Variants in MAN2A1 observed in about 807,000 individuals in gnomAD.
The protein encoded by MAN2A1 is mannosidase alpha class 2A member 1, also known as alpha-mannosidase 2.
MAN2A1 carries 76 observed loss-of-function variants against 142.6 expected under a neutral mutation model. That is an observed-to-expected ratio of 0.53 (90% CI 0.44 to 0.65). MAN2A1 has a LOEUF of 0.65. Among genes scored for constraint, MAN2A1 ranks in the 30% least tolerant of loss-of-function variants. MAN2A1 has a pLI of 0.00. For synonymous variants in MAN2A1, 559 were observed against 473.2 expected (o/e 1.18, Z -2.35); for missense variants, 1,311 against 1,365.1 (o/e 0.96, Z 0.62).
chr5:109,709,882 T>C (rs889716686), intron 1 of MAN2A1, among the ~76,000 whole-genome samples: 1 of 152,214 alleles, frequency 6.6e-6, no homozygotes, highest in Non-Finnish European at 1.5e-5. Context: ...TCTTTTTCAA[T>C]GTTACTATAA....
At chr5:109,842,606 G>C in intron 17 of MAN2A1, 145 bp downstream of exon 17, 1 of 501,724 alleles carries the variant, frequency 2.0e-6, no homozygotes, top group African/African-American at 2.0e-5. Context: ...AATTTTGACA[G>C]AAAATTTCGG....
At chr5:109,761,702 C>T (rs941217106) in intron 5 of MAN2A1, among the ~76,000 whole-genome samples, 2 of 151,776 alleles carry the variant, frequency 1.3e-5, no homozygotes, top group African/African-American at 4.8e-5. Context: ...TTAGGTAGTA[C>T]TGAATTCTTC....
rs371130776 is a variant in MAN2A1 at position 109,774,793 on chromosome 5, G to A, written c.1202G>A (p.Arg401Gln). 20 of 1,597,236 alleles carry A rather than the reference G, an allele frequency of 1.3e-5. No homozygotes were observed. The highest frequency in any genetic ancestry group is 4.1e-5 in the African/African-American group (3 of 72,998). The stretch of plus-strand genomic sequence containing the variant: ...TGTGTTTGTTTTTTTTGTAGGGCTC[G>A]GATGCTACTAGATCAGTACCGAAAG... The part of the protein sequence containing the change: ...IHPGNVQSRA[R>Q]MLLDQYRKKS... The change falls in exon 8 of 22, where the codon CGG becomes CAG. Residue 401 changes from arginine to glutamine, a missense_variant. Coordinates refer to ENST00000261483, the MANE Select transcript of MAN2A1 (RefSeq NM_002372.4).
rs775301628 is a variant in MAN2A1, at chr5:109,774,889, C to G, written c.1298C>G (p.Thr433Arg). ...GATGATTTCCGCTACTGTGAATACA[C>G]GGAATGGGATTTACAGTTTAAGAAT... Reference protein sequence around the residue: ...LGDDFRYCEYTEWDLQFKNYQ... With the variant: ...LGDDFRYCEYREWDLQFKNYQ... The change falls in exon 8 of 22, where the codon ACG becomes AGG. Residue 433 changes from threonine (T) to arginine (R), a missense_variant. This residue lies in a region of MAN2A1 where 890 missense variants were observed against 920.5 expected (regional missense o/e 0.97). Coordinates refer to ENST00000261483, the MANE Select transcript of MAN2A1 (RefSeq NM_002372.4). The G allele has an allele frequency of 6.2e-7, 1 of 1,609,908 alleles. No homozygotes were observed. Among genetic ancestry groups the G allele is most frequent in the East Asian group, 2.2e-5 (1 of 44,756 alleles).
In MAN2A1 at chr5:109,822,137, T is replaced by G. The variant is rs28567942; in HGVS notation, c.2452-1586T>G. Among the ~76,000 whole-genome samples the G allele has an allele frequency of 3.6e-4, 55 of 151,094 alleles. 1 individual carries two copies. Among genetic ancestry groups the G allele is most frequent in the African/African-American group, 9.2e-4 (38 of 41,376 alleles). ...ACTCTAGGTTTTTTGTTTGTTTTTGTTTTTGGTTTTTTTTTTGGCTGTTTG... is the reference window on the plus strand; with the variant it reads ...ACTCTAGGTTTTTTGTTTGTTTTTGGTTTTGGTTTTTTTTTTGGCTGTTTG... On this transcript the variant is annotated intron_variant, in intron 15 of 21. Coordinates refer to ENST00000261483, the MANE Select transcript of MAN2A1 (RefSeq NM_002372.4).
intron 3 of MAN2A1, among the ~76,000 whole-genome samples, chr5:109,717,017 A>G (rs1186185844): frequency 6.6e-6 from 1 of 151,858 alleles, no homozygotes; most frequent in Admixed American, 6.6e-5. Context: ...TTTGATATAC[A>G]TATTTGTTGG....
At chr5:109,864,341 T>C (rs1173379623) in intron 20 of MAN2A1, 1 of 152,208 alleles carries the variant, frequency 6.6e-6, no homozygotes, top group African/African-American at 2.4e-5. Context: ...TAAATGGATA[T>C]GAGAAATTTT....
intron 12 of MAN2A1, among the ~76,000 whole-genome samples, chr5:109,813,516 GT>G (rs1301418215): frequency 6.6e-6 from 1 of 152,210 alleles, no homozygotes; most frequent in Non-Finnish European, 1.5e-5. Flanking sequence ...AGAATGAAAG[GT>G]TGCCCCACAG....
chr5:109,830,424 C>T (rs775401568), intron 16 of MAN2A1, among the ~76,000 whole-genome samples: 24 of 152,182 alleles, frequency 1.6e-4, no homozygotes, highest in Non-Finnish European at 8.8e-5. Context: ...TGACTCCCTG[C>T]TTCTAAATTC....
At chr5:109,865,664 A>G (rs1755861508) in intron 21 of MAN2A1, among the ~76,000 whole-genome samples, 1 of 152,230 alleles carries the variant, frequency 6.6e-6, no homozygotes, top group African/African-American at 2.4e-5. Context: ...TCCCTTGGGA[A>G]ATAAATGTAG....
intron 3 of MAN2A1, among the ~76,000 whole-genome samples, chr5:109,720,514 A>G (rs543359206): frequency 3.9e-5 from 6 of 152,214 alleles, no homozygotes; most frequent in Non-Finnish European, 5.9e-5. Flanking sequence ...TTTCTATTCA[A>G]ATATTTTCAA....
At position 109,832,920 on chromosome 5, in the gene MAN2A1, G is replaced by A. The variant is rs547676615; in HGVS notation, c.2566+9083G>A. 2.3e-4 allele frequency among the ~76,000 whole-genome samples: 35 copies of A among 151,760 alleles called. 1 individual carries two copies. The highest frequency in any genetic ancestry group is 3.9e-4 in the Admixed American group (6 of 15,290). ...GGGCTCCTCACTTCTCAGATGGGGC[G>A]GCAGGGCAGAGACGCTCCTCACCTC... On this transcript the variant is annotated intron_variant, in intron 16 of 21. Transcript: ENST00000261483.
intron 16 of MAN2A1, among the ~76,000 whole-genome samples, chr5:109,831,558 T>C (rs1399680231): frequency 1.3e-5 from 2 of 152,230 alleles, no homozygotes; most frequent in Non-Finnish European, 2.9e-5. Context: ...TTGCAAAGGA[T>C]GTTATTTTGG....
At chr5:109,808,157 G>C (rs1754220926) in intron 12 of MAN2A1, among the ~76,000 whole-genome samples, 1 of 152,058 alleles carries the variant, frequency 6.6e-6, no homozygotes, top group African/African-American at 2.4e-5. Flanking sequence ...TGTATATCTT[G>C]AAAATAACAT....
At chr5:109,745,219 AT>A (rs993968692) in intron 4 of MAN2A1, among the ~76,000 whole-genome samples, 2 of 152,200 alleles carry the variant, frequency 1.3e-5, no homozygotes, top group Non-Finnish European at 2.9e-5. Context: ...GACTGAAAAT[AT>A]GTGTATTGTA....
At chr5:109,808,704 T>A (rs950326285) in intron 12 of MAN2A1, among the ~76,000 whole-genome samples, 1 of 20,584 alleles carries the variant, frequency 4.9e-5, no homozygotes, top group South Asian at 8.7e-4. Flanking sequence ...TTACACTAAT[T>A]TTTTTTTTTT....
intron 20 of MAN2A1, among the ~76,000 whole-genome samples, chr5:109,857,838 C>T (rs1007887737): frequency 6.6e-6 from 1 of 152,176 alleles, no homozygotes; most frequent in Non-Finnish European, 1.5e-5. Context: ...CTTCCCGTTG[C>T]TCTTCGTGCC....
At chr5:109,779,584 A>ACACAC (rs1293213572) in intron 8 of MAN2A1, among the ~76,000 whole-genome samples, 3,245 of 50,436 alleles carry the variant, frequency 0.064, 39 homozygotes, top group Middle Eastern at 0.18. Flanking sequence ...CACACACACA[A>ACACAC]ACACACACAG....
At chr5:109,690,635 C>G (rs1750640107) in intron 1 of MAN2A1, 83 bp downstream of exon 1, 2 of 1,458,002 alleles carry the variant, frequency 1.4e-6, no homozygotes, top group African/African-American at 1.4e-5. Context: ...CAACCTCTTC[C>G]TCCCGCCGCG....
Sources: gnomAD v4.1 joint callset for allele counts (sites outside exome capture counted in the v4.1 genomes callset) on GRCh38, gnomAD v4.1.1 for gene constraint, gnomAD v4.1.1 regional missense constraint, MANE v1.5 for transcripts, NCBI Gene and HGNC (gene_info 2026-07-23, HGNC 2026-07-21) for gene names.